Variants in HMCN1 observed in about 807,000 individuals in gnomAD.
HMCN1 encodes hemicentin-1.
HMCN1 carries 321 observed loss-of-function variants against 625.9 expected under a neutral mutation model. The observed-to-expected ratio is 0.51, with a 90% CI of 0.47 to 0.56. HMCN1 has a LOEUF of 0.56. Ranked by LOEUF, HMCN1 falls within the 20% of genes least tolerant of loss-of-function variation. The pLI is 0.00. For missense variants in HMCN1, 6,588 were observed against 6,887.3 expected (o/e 0.96, Z 1.54); for synonymous variants, 2,425 against 2,417.6 (o/e 1.00, Z -0.09).
At chr1:186,017,199 TA>T (rs1414890332) in intron 33 of HMCN1, 128 bp downstream of exon 33, 1 of 692,722 alleles carries the variant, frequency 1.4e-6, no homozygotes, top group Non-Finnish European at 2.7e-6. Context: ...ATTCCTCTTT[TA>T]AAAGACATGC....
intron 22 of HMCN1, among the ~76,000 whole-genome samples, chr1:185,991,772 G>A (rs1400592884): frequency 6.7e-6 from 1 of 150,350 alleles, no homozygotes; most frequent in East Asian, 2.0e-4. Context: ...GTATACTCAT[G>A]CATGACTTTC....
rs768179418 is a variant in HMCN1 at position 186,143,318 on chromosome 1, C to T, written c.13925-855C>T. Among the ~76,000 whole-genome samples the T allele has an allele frequency of 5.9e-5, 9 of 152,276 alleles. No homozygotes were observed. In the East Asian group the frequency reaches 1.5e-3, roughly 26 times the overall value. On this transcript the variant is annotated intron_variant, in intron 89 of 106. Coordinates refer to ENST00000271588, the MANE Select transcript of HMCN1 (RefSeq NM_031935.3). ...TATTTCTGCTCATATTTTGATTAAA[C>T]CAGGTGACCAAAAGATGTACTTTAT... is the stretch of plus-strand genomic sequence containing the variant.
Position 186,155,042 on chromosome 1 carries a change from T to G in HMCN1, c.15256+1055T>G, listed in dbSNP as rs185764297. On this transcript the variant is annotated intron_variant, in intron 97 of 106. Transcript: ENST00000271588. ...CACTTAAAAGGATTCACATTGACCTTGTCAATGTGTTTTGCTGTGTGCCAG... is the reference window on the plus strand; with the variant it reads ...CACTTAAAAGGATTCACATTGACCTGGTCAATGTGTTTTGCTGTGTGCCAG... Among the ~76,000 whole-genome samples, 261 of 152,346 alleles carry G rather than the reference T, an allele frequency of 1.7e-3. 8 individuals are homozygous for G. In the East Asian group the frequency reaches 0.044, roughly 26 times the overall value.
intron 46 of HMCN1, among the ~76,000 whole-genome samples, chr1:186,058,552 T>A (rs548618100): frequency 6.6e-6 from 1 of 152,048 alleles, no homozygotes; most frequent in Admixed American, 6.6e-5. Context: ...TGGTATCTAA[T>A]CCAAAGTAAA....
intron 1 of HMCN1, among the ~76,000 whole-genome samples, chr1:185,824,048 T>C (rs754813708): frequency 6.6e-6 from 1 of 152,160 alleles, no homozygotes; most frequent in Non-Finnish European, 1.5e-5. Context: ...GGGAGTCTAT[T>C]TAAAAATATT....
intron 1 of HMCN1, among the ~76,000 whole-genome samples, chr1:185,802,412 G>GT (rs1476608333): frequency 6.6e-6 from 1 of 152,152 alleles, no homozygotes; most frequent in African/African-American, 2.4e-5. Flanking sequence ...ACCATGCGTA[G>GT]TTTTTAACTG....
At chr1:185,883,773 C>T (rs115870086) in intron 4 of HMCN1, among the ~76,000 whole-genome samples, 3,410 of 150,906 alleles carry the variant, frequency 0.023, 134 homozygotes, top group African/African-American at 0.079. Flanking sequence ...TTTAATTTCA[C>T]TGTGGTTTTA....
At chr1:186,016,870 A>G in intron 32 of HMCN1, 93 bp from the exon 33 acceptor site, 4 of 777,070 alleles carry the variant, frequency 5.1e-6, no homozygotes, top group Admixed American at 1.7e-5. Context: ...ATACCTATCA[A>G]TCTTCTGAAC....
intron 14 of HMCN1, among the ~76,000 whole-genome samples, chr1:185,967,597 T>G (rs1237215004): frequency 6.6e-6 from 1 of 151,840 alleles, no homozygotes; most frequent in Non-Finnish European, 1.5e-5. Context: ...AGGCAGACAA[T>G]TTATGCATAA....
At chr1:185,850,230 G>C (rs984415882) in intron 2 of HMCN1, among the ~76,000 whole-genome samples, 1 of 152,056 alleles carries the variant, frequency 6.6e-6, no homozygotes, top group Non-Finnish European at 1.5e-5. Context: ...CAGTAAAACT[G>C]TATCAAATAT....
chr1:186,067,687 T>C (rs1658215738), intron 49 of HMCN1, 147 bp from the exon 50 acceptor site: 2 of 601,438 alleles, frequency 3.3e-6, no homozygotes, highest in Non-Finnish European at 5.7e-6. Context: ...GATCACTCTT[T>C]TGTGTAAAAT....
intron 92 of HMCN1, 29 bp downstream of exon 92, chr1:186,145,602 T>C (rs763167743): frequency 6.2e-7 from 1 of 1,612,838 alleles, no homozygotes; most frequent in Non-Finnish European, 8.5e-7. Context: ...GGCAGTTGAA[T>C]AAGTAAAGCA....
rs528162089 is a variant in HMCN1 at position 185,914,221 on chromosome 1, T to G, written c.900+2441T>G. Among the ~76,000 whole-genome samples, 3 of 152,268 alleles carry G rather than the reference T, an allele frequency of 2.0e-5. No homozygotes were observed. In the South Asian group the frequency reaches 6.2e-4, roughly 32 times the overall value. ...ACAAAGGAAATTGAACTGAATCTGA[T>G]GACATAAAATATTGCTGTTGACTTT... On this transcript the variant is annotated intron_variant, in intron 6 of 106. Coordinates refer to ENST00000271588, the MANE Select transcript of HMCN1 (RefSeq NM_031935.3).
chr1:186,055,846 C>T (rs1657284030), intron 45 of HMCN1, among the ~76,000 whole-genome samples, 172 bp downstream of exon 45: 1 of 151,980 alleles, frequency 6.6e-6, no homozygotes, highest in Non-Finnish European at 1.5e-5. Flanking sequence ...TGCCTGACCT[C>T]ACATTATTTA....
At chr1:185,891,622 A>G (rs577284760) in intron 4 of HMCN1, among the ~76,000 whole-genome samples, 1 of 147,790 alleles carries the variant, frequency 6.8e-6, no homozygotes, top group South Asian at 2.1e-4. Context: ...TTTCTTTAAG[A>G]AAGTTGAATA....
intron 56 of HMCN1, 81 bp from the exon 57 acceptor site, chr1:186,082,781 ATAT>A (rs1659242046): frequency 4.6e-6 from 3 of 655,220 alleles, no homozygotes. Flanking sequence ...GAAATAATAT[ATAT>A]TATTTATTCT....
intron 1 of HMCN1, among the ~76,000 whole-genome samples, chr1:185,783,785 G>A (rs574473812): frequency 1.5e-4 from 23 of 152,286 alleles, no homozygotes; most frequent in African/African-American, 4.6e-4. Context: ...TAGGCTACTC[G>A]GGGGTCAGGG....
rs1232702497 is a variant in HMCN1, at chr1:186,103,503, T to C, written c.10605T>C (p.His3535=). ...CTCACATTAATGGATCTGAAGAACA[T>C]GAAGAGATATCAGTAATTGTTAATA... ...EPPHINGSEE[H]EEISVIVNNP... is the part of the protein sequence containing the mutation. Residue 3535 remains histidine (H), a synonymous_variant, in exon 69 of 107, where the codon CAT becomes CAC. Transcript: ENST00000271588. The C allele has an allele frequency of 1.9e-6, 3 of 1,613,602 alleles. No homozygotes were observed. The highest frequency in any genetic ancestry group is 2.5e-6 in the Non-Finnish European group (3 of 1,179,596).
chr1:186,119,398 A>G, intron 78 of HMCN1, 100 bp downstream of exon 78: 2 of 904,888 alleles, frequency 2.2e-6, no homozygotes, highest in Non-Finnish European at 3.7e-6. Context: ...AGAGCTATGA[A>G]CCATAGTAAT....
Sources: gnomAD v4.1 joint callset for allele counts (sites outside exome capture counted in the v4.1 genomes callset) on GRCh38, gnomAD v4.1.1 for gene constraint, MANE v1.5 for transcripts, NCBI Gene and HGNC (gene_info 2026-07-23, HGNC 2026-07-21) for gene names.